Variants in MLXIPL observed in about 807,000 individuals in gnomAD.
MLXIPL encodes carbohydrate-responsive element-binding protein.
A neutral mutation model predicts 81.5 loss-of-function variants in MLXIPL; 49 were observed. That is an observed-to-expected ratio of 0.60 (90% confidence interval 0.48 to 0.76). The LOEUF (loss-of-function observed/expected upper bound fraction) is 0.76, where lower values mean the gene tolerates loss of function less well. Ranked by LOEUF, MLXIPL falls within the 30% of genes least tolerant of loss-of-function variation. The pLI, the probability that MLXIPL is intolerant of heterozygous loss-of-function variation, is 0.00. For missense variants in MLXIPL, 1,053 were observed against 1,167.0 expected, an observed-to-expected ratio of 0.90 and a Z score of 1.42; for synonymous variants, 466 against 485.5, an observed-to-expected ratio of 0.96 and a Z score of 0.53.
At chr7:73,634,855 G>A in the MLXIPL span, among the ~76,000 whole-genome samples, 45 of 126,592 alleles carry the variant, frequency 3.6e-4, no homozygotes, top group African/African-American at 1.1e-3. Context: ...TCATTCTGTC[G>A]GCCAGGCTGG....
chr7:73,604,444 G>A (rs937750429), intron 7 of MLXIPL, among the ~76,000 whole-genome samples: 4 of 149,926 alleles, frequency 2.7e-5, no homozygotes, highest in African/African-American at 9.8e-5. Context: ...ATAATGGTGC[G>A]TGCCTGTGGT....
In MLXIPL at chr7:73,596,885, G is replaced by T; in HGVS notation, c.1651C>A (p.Leu551Ile). Reference protein sequence around the residue: ...LEPPLVSSTLLRSPGSPQETV... With the variant: ...LEPPLVSSTLIRSPGSPQETV... ...CTTACCGGGGACCCTGGGGACCGGA[G>T]GAGGGTGCTGGATACAAGTGGTGGC... Residue 551 changes from leucine (L) to isoleucine (I), a missense_variant, in exon 10 of 17, where the codon CTC becomes ATC. Leu to Ile is a conservative substitution (Grantham distance 5). Transcript: ENST00000313375. The surrounding 1 kb of genome is among the most constrained non-coding windows in gnomAD (Gnocchi z 4.7). The T allele has an allele frequency of 6.2e-7, 1 of 1,611,352 alleles. No individual in the cohort carries two copies. The highest frequency in any genetic ancestry group is 8.5e-7 in the Non-Finnish European group (1 of 1,179,694).
chr7:73,607,333 G>T lies in MLXIPL; in HGVS notation c.571C>A (p.Arg191=). 2 of 1,562,878 alleles carry T rather than the reference G, an allele frequency of 1.3e-6. No individual in the cohort carries two copies. Among genetic ancestry groups the T allele is most frequent in the African/African-American group, 2.7e-5 (2 of 73,816 alleles). The part of the protein sequence containing the change: ...YHKWRIYYKK[R]LRKPSREDDL... Reference sequence around the variant, plus strand: ...CTCCCTGGCCCTCCCCCACTGACCCGCTTCTTGTAGTAGATGCGCCACTTG... The same window carrying T: ...CTCCCTGGCCCTCCCCCACTGACCCTCTTCTTGTAGTAGATGCGCCACTTG... Residue 191 remains arginine, a splice_region_variant and synonymous_variant, in exon 4 of 17, where the codon CGG becomes AGG. Coordinates refer to ENST00000313375, the MANE Select transcript of MLXIPL (RefSeq NM_032951.3).
intron 7 of MLXIPL, among the ~76,000 whole-genome samples, chr7:73,601,176 A>AGTGTGTGTGTGTGTGTGTGTGTGTGT (rs55639253): frequency 7.3e-5 from 10 of 137,652 alleles, no homozygotes; most frequent in African/African-American, 2.8e-4. Flanking sequence ...TGCAGGGTCA[A>AGTGTGTGTGTGTGTGTGTGTGTGTGT]GTGTGTGTGT....
intron 7 of MLXIPL, among the ~76,000 whole-genome samples, chr7:73,602,118 G>GCCTTCCTTCCTTCCTTCCTTCCTTCCTT (rs1157234046): frequency 2.0e-5 from 1 of 49,064 alleles, no homozygotes; most frequent in East Asian, 1.1e-3. Context: ...CTGCCTGCCT[G>GCCTTCCTTCCTTCCTTCCTTCCTTCCTT]CCTGCCTGCC....
Position 73,624,254 on chromosome 7 carries a change from C to T in MLXIPL, c.239G>A (p.Arg80His). The T allele has an allele frequency of 1.3e-6, 2 of 1,596,092 alleles. No individual in the cohort carries two copies. Among genetic ancestry groups the T allele is most frequent in the Non-Finnish European group, 1.7e-6 (2 of 1,172,592 alleles). The change falls in exon 1 of 17, where the codon CGC becomes CAC. Residue 80 changes from arginine to histidine, a missense_variant. Physicochemically the swap from Arg to His is conservative, Grantham distance 29. Coordinates refer to ENST00000313375, the MANE Select transcript of MLXIPL (RefSeq NM_032951.3). ...GSVGPSDFGP[R>H]SIDPTLTRLF... ...GCGTGTGAGTGTGGGGTCGATACTG[C>T]GCGGCCCGAAGTCGGAGGGCCCCAC...
chr7:73,644,121 C>T, the MLXIPL span, among the ~76,000 whole-genome samples: 1 of 152,018 alleles, frequency 6.6e-6, no homozygotes, highest in Non-Finnish European at 1.5e-5. Context: ...TGGTCCCAAA[C>T]TTCTGGTCTC....
chr7:73,601,955 G>A (rs1325641910), intron 7 of MLXIPL, among the ~76,000 whole-genome samples: 3 of 152,028 alleles, frequency 2.0e-5, no homozygotes, highest in African/African-American at 4.8e-5. Flanking sequence ...GGTGTCTGTC[G>A]CTCCGTCTGA....
chr7:73,595,204 C>T (rs1408014838), intron 15 of MLXIPL, among the ~76,000 whole-genome samples: 1 of 152,110 alleles, frequency 6.6e-6, no homozygotes, highest in Non-Finnish European at 1.5e-5. Context: ...TCAGTCCCCT[C>T]CTCCTTGCCC....
In MLXIPL at chr7:73,624,283, C is replaced by A; in HGVS notation, c.210G>T (p.Gly70=). ...GCCCGAAGTCGGAGGGCCCCACGGA[C>A]CCCTCCTGGTCGCGCCGCCGGGGCA... ...DSLPRRRDQE[G]SVGPSDFGPR... The change falls in exon 1 of 17, where the codon GGG becomes GGT. Residue 70 remains glycine, a synonymous_variant. Coordinates refer to ENST00000313375, the MANE Select transcript of MLXIPL (RefSeq NM_032951.3). 1 of 1,588,518 alleles carries A rather than the reference C, an allele frequency of 6.3e-7. No individual in the cohort carries two copies. Among genetic ancestry groups the A allele is most frequent in the Non-Finnish European group, 8.6e-7 (1 of 1,169,134 alleles).
the MLXIPL span, among the ~76,000 whole-genome samples, chr7:73,637,976 C>T: frequency 9.2e-5 from 14 of 152,186 alleles, no homozygotes; most frequent in Non-Finnish European, 1.3e-4. Flanking sequence ...CAGGCTCAGC[C>T]TGTCTCAATC....
Position 73,599,656 on chromosome 7 carries a change from G to A in MLXIPL, c.941C>T (p.Pro314Leu), listed in dbSNP as rs782106652. Residue 314 changes from proline to leucine, a missense_variant, in exon 8 of 17, where the codon CCT becomes CTT. By Grantham distance (98) the Pro-to-Leu change is moderately conservative. Around this residue, in one of 3 missense-constraint regions of MLXIPL, gnomAD observed 823 missense variants for 933.0 expected, o/e 0.88. Transcript: ENST00000313375. ...TNSRLPQPPM[P>L]SNFPEPPSFS... ...GCTGGGGGGCTCTGGGAAGTTTGAA[G>A]GCATGGGCGGCTGTGGGAGGCGGGA... 3 of 1,607,592 alleles carry A rather than the reference G, an allele frequency of 1.9e-6. No individual in the cohort carries two copies. Among genetic ancestry groups the A allele is most frequent in the South Asian group, 1.1e-5 (1 of 90,404 alleles).
chr7:73,641,917 A>G, the MLXIPL span, among the ~76,000 whole-genome samples: 1 of 152,138 alleles, frequency 6.6e-6, no homozygotes, highest in East Asian at 1.9e-4. Flanking sequence ...TACAGACGTG[A>G]GCCACTGTGC....
At chr7:73,620,955 C>T (rs545534673) in intron 1 of MLXIPL, among the ~76,000 whole-genome samples, 367 of 150,730 alleles carry the variant, frequency 2.4e-3, no homozygotes, top group Non-Finnish European at 4.5e-3. Flanking sequence ...GAGGCTGAGA[C>T]ATGAGAATCG....
intron 7 of MLXIPL, among the ~76,000 whole-genome samples, chr7:73,602,499 C>T (rs1451681081): frequency 1.3e-5 from 2 of 148,800 alleles, no homozygotes; most frequent in South Asian, 2.1e-4. Flanking sequence ...GGGGAAACCC[C>T]GTTTCTACTA....
At position 73,596,702 on chromosome 7, in the gene MLXIPL, A is replaced by G. The variant is rs1342329806; in HGVS notation, c.1759T>C (p.Leu587=). 6.3e-6 allele frequency: 10 copies of G among 1,589,878 alleles called. No individual in the cohort carries two copies. Among genetic ancestry groups the G allele is most frequent in the African/African-American group, 1.3e-5 (1 of 74,660 alleles). ...PPRPPPGPAT[L]APSRPLLVPK... ...ACAAGCAGGGGCCTGGAAGGGGCCA[A>G]TGTGGCCGGGCCTGGAGGTGGCCGG... The change falls in exon 11 of 17, where the codon TTG becomes CTG. Residue 587 remains leucine, a synonymous_variant. Transcript: ENST00000313375. The surrounding 1 kb of genome is among the most constrained non-coding windows in gnomAD (Gnocchi z 4.7).
Position 73,597,235 on chromosome 7 carries a change from G to C in MLXIPL, c.1550C>G (p.Pro517Arg). 1.2e-6 allele frequency: 2 copies of C among 1,603,796 alleles called. No homozygotes were observed. Among genetic ancestry groups the C allele is most frequent in the Non-Finnish European group, 1.7e-6 (2 of 1,177,388 alleles). Residue 517 changes from proline to arginine, a missense_variant, in exon 9 of 17, where the codon CCC becomes CGC. Coordinates refer to ENST00000313375, the MANE Select transcript of MLXIPL (RefSeq NM_032951.3). ...PPTLAPATAS[P>R]PTTAGSNNPC... The stretch of plus-strand genomic sequence containing the variant: ...GTTGTTGCTCCCCGCAGTGGTGGGG[G>C]GACTGGCAGTGGCAGGGGCTAAGGT...
upstream of MLXIPL, chr7:73,624,550 T>G: frequency 3.4e-6 from 5 of 1,474,662 alleles, no homozygotes; most frequent in Non-Finnish European, 4.5e-6. Context: ...GAACAGCTCT[T>G]GGCCAGCCGG....
At chr7:73,631,969 T>C in the MLXIPL span, among the ~76,000 whole-genome samples, 1 of 149,936 alleles carries the variant, frequency 6.7e-6, no homozygotes, top group Non-Finnish European at 1.5e-5. Context: ...TTTTCTTTTT[T>C]CTTTTCTCCT....
Sources: allele counts gnomAD v4.1 joint callset (sites outside exome capture counted in the v4.1 genomes callset), GRCh38; gene constraint gnomAD v4.1.1; regional missense constraint gnomAD v4.1.1; non-coding constraint Gnocchi (gnomAD v3.1); transcripts MANE v1.5; gene names NCBI Gene and HGNC (gene_info 2026-07-23, HGNC 2026-07-21).